Variants in DNAJC27 observed in about 807,000 individuals in gnomAD.
The protein encoded by DNAJC27 is DnaJ heat shock protein family (Hsp40) member C27.
A neutral mutation model predicts 31.4 loss-of-function variants in DNAJC27; 25 were observed. That is an observed-to-expected ratio of 0.80 (90% CI 0.58 to 1.11). The LOEUF (loss-of-function observed/expected upper bound fraction) is 1.11. DNAJC27 is among the 50% of genes most tolerant of loss of function. The pLI, the probability that DNAJC27 is intolerant of heterozygous loss-of-function variation, is 0.00. For synonymous variants in DNAJC27, 106 were observed against 112.7 expected (o/e 0.94, Z 0.37); for missense variants, 356 against 347.3 (o/e 1.02, Z -0.20).
intron 2 of DNAJC27, among the ~76,000 whole-genome samples, chr2:24,966,620 G>A (rs1573118100): frequency 6.6e-6 from 1 of 152,000 alleles, no homozygotes; most frequent in Non-Finnish European, 1.5e-5. Flanking sequence ...CACCACACCC[G>A]GCTAATTTTT....
chr2:24,954,638 A>G (rs1225594466), intron 5 of DNAJC27, among the ~76,000 whole-genome samples: 4 of 152,362 alleles, frequency 2.6e-5, no homozygotes, highest in African/African-American at 7.2e-5. Context: ...ACATTCTTCA[A>G]TCAAGAATCA....
At chr2:24,948,550 G>A (rs1373081175) in intron 6 of DNAJC27, among the ~76,000 whole-genome samples, 1 of 152,196 alleles carries the variant, frequency 6.6e-6, no homozygotes, top group Non-Finnish European at 1.5e-5. Context: ...GAGCTCACGA[G>A]ACCAAAGAAG....
At position 24,946,181 on chromosome 2, in the gene DNAJC27, C is replaced by G. The variant is rs1451986341; in HGVS notation, c.*1435G>C. On this transcript the variant is annotated 3_prime_UTR_variant, in exon 7 of 7. Transcript: ENST00000264711. ...CATCCCTTGTATATCAAGGAGGAGA[C>G]TGTGGTCAGAGAATGTATTTTGTAA... 1 of 152,128 alleles carries G rather than the reference C, an allele frequency of 6.6e-6. No homozygotes were observed. Among genetic ancestry groups the G allele is most frequent in the Non-Finnish European group, 1.5e-5 (1 of 68,036 alleles). 9.4% of individuals were successfully genotyped at this position (152,128 alleles called of 1,614,324 possible).
chr2:24,963,505 G>GA, intron 2 of DNAJC27, 31 bp from the exon 3 acceptor site: 1 of 1,571,260 alleles, frequency 6.4e-7, no homozygotes, highest in Admixed American at 1.7e-5. Context: ...CAATCCGAAA[G>GA]AAAGTCATGG....
intron 4 of DNAJC27, 126 bp from the exon 5 acceptor site, chr2:24,957,291 G>C (rs1304072194): frequency 2.8e-6 from 3 of 1,062,338 alleles, no homozygotes; most frequent in Non-Finnish European, 3.9e-6. Context: ...CTGCACTAGT[G>C]TGTAAAATTA....
At chr2:24,970,460 CTTTTTTT>C (rs35742187) in intron 1 of DNAJC27, among the ~76,000 whole-genome samples, 20 of 120,112 alleles carry the variant, frequency 1.7e-4, no homozygotes, top group East Asian at 7.2e-4. Context: ...AGTAAAATTA[CTTTTTTT>C]TTTTTTTTTT....
intron 3 of DNAJC27, chr2:24,963,131 G>A (rs1309525727): frequency 2.7e-6 from 1 of 367,524 alleles, no homozygotes. Context: ...TTAGGCTAAA[G>A]TATGAGGTAA....
chr2:24,961,370 G>A (rs1414085756), intron 3 of DNAJC27, among the ~76,000 whole-genome samples: 5 of 152,094 alleles, frequency 3.3e-5, no homozygotes, highest in African/African-American at 9.7e-5. Flanking sequence ...GGAGAAATAC[G>A]AAGAGATTAA....
intron 1 of DNAJC27, 119 bp downstream of exon 1, chr2:24,971,699 G>C: frequency 1.2e-6 from 1 of 830,670 alleles, no homozygotes; most frequent in Non-Finnish European, 1.8e-6. Context: ...CTGAGACCCG[G>C]GCCTGCTCGG....
chr2:24,971,693 G>C (rs1265426162), intron 1 of DNAJC27, 125 bp downstream of exon 1: 12 of 786,084 alleles, frequency 1.5e-5, no homozygotes, highest in South Asian at 1.8e-5. Context: ...CCTCGGCTGA[G>C]ACCCGGGCCT....
Position 24,951,507 on chromosome 2 carries a change from G to C in DNAJC27, c.576C>G (p.Arg192=). 3 of 1,613,438 alleles carry C rather than the reference G, an allele frequency of 1.9e-6. No homozygotes were observed. Among genetic ancestry groups the C allele is most frequent in the Non-Finnish European group, 1.7e-6 (2 of 1,179,674 alleles). Reference sequence around the variant, plus strand: ...AACTAGCACTGCTATTGGTGGTAGGGCGTTTCCCGCCATTTTCACATAAAT... The same window carrying C: ...AACTAGCACTGCTATTGGTGGTAGGCCGTTTCCCGCCATTTTCACATAAAT... ...IVDLCENGGK[R]PTTNSSASFT... The change falls in exon 6 of 7, where the codon CGC becomes CGG. Residue 192 remains arginine (R), a synonymous_variant. Coordinates refer to ENST00000264711, the MANE Select transcript of DNAJC27 (RefSeq NM_016544.3).
rs752558853 is a variant in DNAJC27 at position 24,951,485 on chromosome 2, T to C, written c.598A>G (p.Ser200Gly). The part of the protein sequence containing the change: ...GKRPTTNSSA[S>G]FTKEQADAIR... ...GCATCTGCTTGTTCTTTGGTGAAAC[T>C]AGCACTGCTATTGGTGGTAGGGCGT... The change falls in exon 6 of 7, where the codon AGT becomes GGT. Residue 200 changes from serine (S) to glycine (G), a missense_variant. Physicochemically the swap from Ser to Gly is moderately conservative, Grantham distance 56. Coordinates refer to ENST00000264711, the MANE Select transcript of DNAJC27 (RefSeq NM_016544.3). The C allele has an allele frequency of 5.6e-6, 9 of 1,613,812 alleles. No individual in the cohort carries two copies. Among genetic ancestry groups the C allele is most frequent in the Non-Finnish European group, 6.8e-6 (8 of 1,179,796 alleles).
In DNAJC27 at chr2:24,951,405, A is replaced by G; in HGVS notation, c.678T>C (p.Pro226=). Residue 226 remains proline (P), a synonymous_variant, in exon 6 of 7, where the codon CCT becomes CCC. Transcript: ENST00000264711. ...CCCAGAGCGCTTACCTTGAGGCCCC[A>G]GGTTTGACTCCCAGCATGTCCCAAC... ...KDSWDMLGVK[P]GASRDEVNKA... 1 of 1,612,358 alleles carries G rather than the reference A, an allele frequency of 6.2e-7. No individual in the cohort carries two copies. Among genetic ancestry groups the G allele is most frequent in the South Asian group, 1.1e-5 (1 of 90,628 alleles).
intron 2 of DNAJC27, among the ~76,000 whole-genome samples, chr2:24,964,528 T>C (rs1666130247): frequency 6.6e-6 from 1 of 152,080 alleles, no homozygotes; most frequent in African/African-American, 2.4e-5. Flanking sequence ...GAGAGAGATG[T>C]AGTGAAATGA....
intron 3 of DNAJC27, among the ~76,000 whole-genome samples, chr2:24,962,949 G>A (rs1257144426): frequency 6.6e-6 from 1 of 152,202 alleles, no homozygotes; most frequent in Non-Finnish European, 1.5e-5. Flanking sequence ...ATTACTTAGA[G>A]CTGGTAAGCA....
At position 24,963,502 on chromosome 2, in the gene DNAJC27, A is replaced by C. The variant is rs753598583; in HGVS notation, c.171-28T>G. On this transcript the variant is annotated intron_variant, in intron 2 of 6. Coordinates refer to ENST00000264711, the MANE Select transcript of DNAJC27 (RefSeq NM_016544.3). ...GAAATGTTCAAATGGAAACAATCCGAAAGAAAGTCATGGTTTCTCCATTTA... is the reference window on the plus strand; with the variant it reads ...GAAATGTTCAAATGGAAACAATCCGCAAGAAAGTCATGGTTTCTCCATTTA... The C allele has an allele frequency of 8.2e-6, 13 of 1,581,056 alleles. No individual in the cohort carries two copies. In the South Asian group the frequency reaches 1.5e-4, roughly 18 times the overall value.
intron 5 of DNAJC27, among the ~76,000 whole-genome samples, chr2:24,954,657 G>C (rs372769941): frequency 1.3e-5 from 2 of 152,210 alleles, no homozygotes; most frequent in Admixed American, 6.5e-5. Context: ...CAATAGTCAG[G>C]CTGGGTGCGG....
At chr2:24,964,215 T>G (rs1666120814) in intron 2 of DNAJC27, among the ~76,000 whole-genome samples, 1 of 151,786 alleles carries the variant, frequency 6.6e-6, no homozygotes, top group African/African-American at 2.4e-5. Context: ...GGTCAGGAGA[T>G]CGAGACCATC....
Position 24,963,453 on chromosome 2 carries a change from TTCTCTG to T in DNAJC27, c.186_191del (p.Asp62_Arg63del), listed in dbSNP as rs1398381234. On this transcript the variant is annotated inframe_deletion, in exon 3 of 7. Transcript: ENST00000264711. The stretch of plus-strand genomic sequence containing the variant: ...CCATATCAAAGATGTTAACTTTGAT[TTCTCTG>T]TCTCTGACGTGTACCCTGAAATGTT... The T allele has an allele frequency of 6.2e-7, 1 of 1,613,820 alleles. No individual in the cohort carries two copies. Among genetic ancestry groups the T allele is most frequent in the Non-Finnish European group, 8.5e-7 (1 of 1,179,804 alleles).
Sources: gnomAD v4.1 joint callset for allele counts (sites outside exome capture counted in the v4.1 genomes callset) on GRCh38, gnomAD v4.1.1 for gene constraint, MANE v1.5 for transcripts, NCBI Gene and HGNC (gene_info 2026-07-23, HGNC 2026-07-21) for gene names.